The following VSIR variants were observed in gnomAD, a reference collection of about 807,000 sequenced individuals.
The protein encoded by VSIR is V-set immunoregulatory receptor, also known as V-type immunoglobulin domain-containing suppressor of T-cell activation.
A neutral mutation model predicts 31.0 loss-of-function variants in VSIR; 10 were observed. The ratio of observed to expected loss-of-function variants is 0.32; its 90% CI spans 0.20 to 0.55. VSIR has a LOEUF of 0.55. Ranked by LOEUF, VSIR falls within the 20% of genes least tolerant of loss-of-function variation. VSIR has a pLI of 0.93. For synonymous variants in VSIR, 179 were observed against 180.1 expected, an observed-to-expected ratio of 0.99 and a Z score of 0.05; for missense variants, 356 against 416.2, an observed-to-expected ratio of 0.86 and a Z score of 1.26.
At chr10:71,759,535 C>G (rs994064519) in intron 3 of VSIR, among the ~76,000 whole-genome samples, 1 of 151,404 alleles carries the variant, frequency 6.6e-6, no homozygotes, top group African/African-American at 2.4e-5. Context: ...TGAGGCCAGG[C>G]GTGGTGACTC....
chr10:71,748,097 T>C lies in VSIR; in HGVS notation c.*3156A>G, dbSNP rs1423883111. 6.6e-6 allele frequency: 1 copy of C among 152,106 alleles called. No individual in the cohort carries two copies. Among genetic ancestry groups the C allele is most frequent in the Non-Finnish European group, 1.5e-5 (1 of 68,020 alleles). The allele number at this position is 152,106 out of a possible 1,614,324, so 9.4% of individuals were successfully genotyped here. On this transcript the variant is annotated 3_prime_UTR_variant, in exon 7 of 7. Transcript: ENST00000394957. ...AACGTTAACCCAGCCCCCAGCACAGTCAGGCCAGCCCTGGGGAAGGCCTCA... is the reference window on the plus strand; with the variant it reads ...AACGTTAACCCAGCCCCCAGCACAGCCAGGCCAGCCCTGGGGAAGGCCTCA...
chr10:71,771,834 C>G (rs761674364), intron 1 of VSIR, among the ~76,000 whole-genome samples: 15 of 152,228 alleles, frequency 9.9e-5, no homozygotes, highest in Non-Finnish European at 1.9e-4. Context: ...AAGCTGGGTC[C>G]CTGTGCCCTG....
intron 1 of VSIR, 111 bp downstream of exon 1, chr10:71,773,247 A>C: frequency 8.0e-7 from 1 of 1,256,362 alleles, no homozygotes; most frequent in Non-Finnish European, 1.1e-6. Flanking sequence ...AGTGGGGTGC[A>C]CGGTCACACA....
In VSIR at chr10:71,761,900, T is replaced by C. The variant is rs368317783; in HGVS notation, c.209A>G (p.Lys70Arg). The stretch of plus-strand genomic sequence containing the variant: ...GCCCCTCGAGCTGCGGTACCACGTC[T>C]TGTAGAAGGTCACATCGTGCCCTTT... ...VDKGHDVTFY[K>R]TWYRSSRGEV... Residue 70 changes from lysine to arginine, a missense_variant, in exon 2 of 7, where the codon AAG becomes AGG. Coordinates refer to ENST00000394957, the MANE Select transcript of VSIR (RefSeq NM_022153.2). 74 of 1,613,974 alleles carry C rather than the reference T, an allele frequency of 4.6e-5. No homozygotes were observed. The highest frequency in any genetic ancestry group is 6.0e-5 in the Non-Finnish European group (71 of 1,180,038).
At chr10:71,770,957 T>A (rs1437665500) in intron 1 of VSIR, among the ~76,000 whole-genome samples, 1 of 152,036 alleles carries the variant, frequency 6.6e-6, no homozygotes, top group East Asian at 1.9e-4. Flanking sequence ...GGGCAGTGGG[T>A]TGTGGATTTC....
At chr10:71,766,085 T>G (rs1228402536) in intron 1 of VSIR, among the ~76,000 whole-genome samples, 1 of 152,210 alleles carries the variant, frequency 6.6e-6, no homozygotes, top group Non-Finnish European at 1.5e-5. Flanking sequence ...GGACTCCACA[T>G]CTGTGCACAT....
intron 3 of VSIR, chr10:71,760,466 A>G (rs1840349792): frequency 6.1e-6 from 1 of 163,422 alleles, no homozygotes. Context: ...TGAAGAACAT[A>G]GAAACACAGA....
At chr10:71,765,051 G>A (rs975974370) in intron 1 of VSIR, among the ~76,000 whole-genome samples, 4 of 152,332 alleles carry the variant, frequency 2.6e-5, no homozygotes, top group South Asian at 2.1e-4. Flanking sequence ...TGGCTCTGCC[G>A]GGAAACAGAA....
chr10:71,755,762 G>T (rs1347656598), intron 3 of VSIR, among the ~76,000 whole-genome samples: 1 of 152,150 alleles, frequency 6.6e-6, no homozygotes, highest in Admixed American at 6.5e-5. Context: ...AGCCCACAAG[G>T]TACAGCTGGA....
At chr10:71,761,493 C>G (rs1366123076) in intron 2 of VSIR, 105 bp downstream of exon 2, 1 of 1,312,900 alleles carries the variant, frequency 7.6e-7, no homozygotes, top group Non-Finnish European at 1.0e-6. Flanking sequence ...GCCAGTGTTA[C>G]CCATGCAGCC....
intron 1 of VSIR, among the ~76,000 whole-genome samples, chr10:71,771,580 C>T (rs1278160578): frequency 1.3e-5 from 2 of 152,186 alleles, no homozygotes; most frequent in Admixed American, 6.5e-5. Flanking sequence ...ATAGTGTGTC[C>T]ATGTCACAGT....
At chr10:71,773,243 G>T (rs1840727898) in intron 1 of VSIR, 115 bp downstream of exon 1, 1 of 1,223,544 alleles carries the variant, frequency 8.2e-7, no homozygotes, top group Non-Finnish European at 1.1e-6. Context: ...GTGGAGTGGG[G>T]TGCACGGTCA....
chr10:71,751,867 A>G lies in VSIR; in HGVS notation c.705-6T>C. 6.5e-7 allele frequency: 1 copy of G among 1,541,742 alleles called. No individual in the cohort carries two copies. Among genetic ancestry groups the G allele is most frequent in the Non-Finnish European group, 8.8e-7 (1 of 1,142,354 alleles). ...TTTCAATCCCTTGAATGTTGCTGCC[A>G]CAGAACCAGAATGGAAGGTCATCTG... On this transcript the variant is annotated splice_region_variant and splice_polypyrimidine_tract_variant and intron_variant, in intron 5 of 6. Transcript: ENST00000394957. This position sits in a 1 kb window ranked among gnomAD's most constrained non-coding sequence, Gnocchi z 4.9.
chr10:71,768,359 C>T (rs1564784687), intron 1 of VSIR, among the ~76,000 whole-genome samples: 5 of 152,196 alleles, frequency 3.3e-5, no homozygotes, highest in South Asian at 2.1e-4. Flanking sequence ...TTAGTAGAGA[C>T]GGGGTTTCAC....
intron 3 of VSIR, among the ~76,000 whole-genome samples, chr10:71,760,000 TAC>T (rs1448588041): frequency 1.2e-3 from 33 of 26,792 alleles, no homozygotes; most frequent in Non-Finnish European, 2.3e-3. Context: ...CACACACACA[TAC>T]ATATATATAC....
chr10:71,752,843 C>G, intron 5 of VSIR, 132 bp downstream of exon 5: 1 of 1,107,628 alleles, frequency 9.0e-7, no homozygotes, highest in Non-Finnish European at 1.3e-6. Flanking sequence ...GTGCAGGCTT[C>G]AGCAGCAGAT....
At position 71,749,643 on chromosome 10, in the gene VSIR, C is replaced by G. The variant is rs570890776; in HGVS notation, c.*1610G>C. The G allele has an allele frequency of 6.6e-6, 1 of 152,492 alleles. No homozygotes were observed. The highest frequency in any genetic ancestry group is 1.9e-4 in the East Asian group (1 of 5,190). 9.4% of individuals were successfully genotyped at this position (152,492 alleles called of 1,614,324 possible). A position where few individuals can be genotyped will look rare whatever the true frequency, so the allele number is the denominator to read the frequency against. ...CTATGTTTACCCTCTCCTCAAAGCC[C>G]CTGGCCCAGCCCAGGCAGAGCAGGA... On this transcript the variant is annotated 3_prime_UTR_variant, in exon 7 of 7. Coordinates refer to ENST00000394957, the MANE Select transcript of VSIR (RefSeq NM_022153.2).
intron 1 of VSIR, among the ~76,000 whole-genome samples, chr10:71,764,326 T>C (rs527622398): frequency 3.3e-5 from 5 of 152,204 alleles, no homozygotes; most frequent in Admixed American, 3.3e-4. Flanking sequence ...ACAGAGAACT[T>C]ACGTAACTCA....
chr10:71,753,104 C>A (rs1840047747), intron 4 of VSIR, 102 bp from the exon 5 acceptor site: 1 of 1,373,962 alleles, frequency 7.3e-7, no homozygotes. Context: ...CAGGAGCGAG[C>A]CCAGGAGGGC....
Sources: allele counts gnomAD v4.1 joint callset (sites outside exome capture counted in the v4.1 genomes callset), GRCh38; gene constraint gnomAD v4.1.1; non-coding constraint Gnocchi (gnomAD v3.1); transcripts MANE v1.5; gene names NCBI Gene and HGNC (gene_info 2026-07-23, HGNC 2026-07-21).